Variants in MKLN1 observed in about 807,000 individuals in gnomAD.
MKLN1 encodes the protein muskelin.
In MKLN1, 18 loss-of-function variants were observed where a neutral mutation model predicts 99.0. The observed-to-expected ratio is 0.18, with a 90% confidence interval of 0.13 to 0.27. MKLN1 has a LOEUF of 0.27. Ranked by LOEUF, MKLN1 falls within the 10% of genes least tolerant of loss-of-function variation. The pLI is 1.00. For synonymous variants in MKLN1, 288 were observed against 293.2 expected, an observed-to-expected ratio of 0.98 and a Z score of 0.18; for missense variants, 621 against 875.9, an observed-to-expected ratio of 0.71 and a Z score of 3.67.
intron 3 of MKLN1, among the ~76,000 whole-genome samples, chr7:131,317,492 T>C (rs1022990930): frequency 6.6e-6 from 1 of 152,118 alleles, no homozygotes; most frequent in Admixed American, 6.5e-5. Context: ...TACCAGCCAC[T>C]GCAAAAACAT....
intron 8 of MKLN1, among the ~76,000 whole-genome samples, chr7:131,420,706 A>T (rs1490857534): frequency 6.6e-6 from 1 of 152,174 alleles, no homozygotes; most frequent in South Asian, 2.1e-4. Flanking sequence ...AGTTGTTCAC[A>T]CAAGTATTGT....
Position 131,473,994 on chromosome 7 carries a change from C to CA in MKLN1, c.2031+3056dup, listed in dbSNP as rs1446565050. ...TAAAACTCCGTCTCTACTAAAAATACAAAAAATTGGCCGGGCATGGTGGGA... is the reference window on the plus strand; with the variant it reads ...TAAAACTCCGTCTCTACTAAAAATACAAAAAAATTGGCCGGGCATGGTGGGA... On this transcript the variant is annotated intron_variant, in intron 16 of 17. Transcript: ENST00000352689. Among the ~76,000 whole-genome samples the CA allele has an allele frequency of 2.6e-5, 4 of 152,084 alleles. No homozygotes were observed. In the South Asian group the frequency reaches 8.3e-4, roughly 32 times the overall value.
At chr7:131,384,045 G>C (rs1205856401) in intron 2 of MKLN1, among the ~76,000 whole-genome samples, 1 of 152,156 alleles carries the variant, frequency 6.6e-6, no homozygotes. Context: ...CAAACTGCAT[G>C]ATCTGGTGAC....
chr7:131,449,318 G>A (rs1796109638), intron 12 of MKLN1, among the ~76,000 whole-genome samples: 1 of 152,200 alleles, frequency 6.6e-6, no homozygotes, highest in Non-Finnish European at 1.5e-5. Flanking sequence ...AGTATTTAGT[G>A]CCTTGTTACA....
intron 3 of MKLN1, among the ~76,000 whole-genome samples, chr7:131,238,340 G>A (rs138306450): frequency 6.6e-6 from 1 of 152,254 alleles, no homozygotes; most frequent in African/African-American, 2.4e-5. Flanking sequence ...TTAATTCTTT[G>A]CCTCAGGAGG....
At chr7:131,208,722 C>T (rs1796855425) in intron 3 of MKLN1, among the ~76,000 whole-genome samples, 1 of 152,160 alleles carries the variant, frequency 6.6e-6, no homozygotes, top group Non-Finnish European at 1.5e-5. Flanking sequence ...TGAGGAGAAC[C>T]TGCCATGTGC....
At chr7:131,303,119 T>G (rs1798399674) in intron 3 of MKLN1, among the ~76,000 whole-genome samples, 1 of 152,196 alleles carries the variant, frequency 6.6e-6, no homozygotes, top group Non-Finnish European at 1.5e-5. Flanking sequence ...TAAGCACTTA[T>G]AAAGAGGAAT....
chr7:131,140,547 C>T (rs938096881), intron 1 of MKLN1, among the ~76,000 whole-genome samples: 11 of 152,102 alleles, frequency 7.2e-5, no homozygotes, highest in Admixed American at 3.3e-4. Context: ...AGCAACACCT[C>T]CTCTTCTCAC....
intron 17 of MKLN1, among the ~76,000 whole-genome samples, chr7:131,482,521 A>G (rs1238180183): frequency 1.3e-5 from 2 of 152,198 alleles, no homozygotes; most frequent in Non-Finnish European, 2.9e-5. Flanking sequence ...TGTGTATGCT[A>G]GGAAAAAAAT....
At chr7:131,273,321 T>A (rs142940732) in intron 3 of MKLN1, among the ~76,000 whole-genome samples, 2 of 143,172 alleles carry the variant, frequency 1.4e-5, no homozygotes, top group Non-Finnish European at 3.0e-5. Flanking sequence ...TAATTCCTCA[T>A]CTGGCTTGAG....
At chr7:131,369,055 A>G (rs1800267412) in intron 1 of MKLN1, among the ~76,000 whole-genome samples, 1 of 152,082 alleles carries the variant, frequency 6.6e-6, no homozygotes, top group Non-Finnish European at 1.5e-5. Flanking sequence ...TTAAAATAAG[A>G]ATAGAATCAT....
At chr7:131,213,751 G>C (rs1563254463) in intron 3 of MKLN1, among the ~76,000 whole-genome samples, 1 of 152,094 alleles carries the variant, frequency 6.6e-6, no homozygotes, top group Non-Finnish European at 1.5e-5. Context: ...CTAATTTTTG[G>C]CATTTTCAGA....
At chr7:131,343,044 G>A (rs984101693) in intron 1 of MKLN1, among the ~76,000 whole-genome samples, 3 of 152,218 alleles carry the variant, frequency 2.0e-5, no homozygotes, top group African/African-American at 7.2e-5. Flanking sequence ...AGTGACAAAA[G>A]CAGTAAATGC....
chr7:131,161,695 G>A (rs1796050981), intron 2 of MKLN1, among the ~76,000 whole-genome samples: 1 of 151,998 alleles, frequency 6.6e-6, no homozygotes. Flanking sequence ...GGGACTACAG[G>A]CGCCCGCCAC....
chr7:131,387,498 T>C (rs921549269), intron 3 of MKLN1, among the ~76,000 whole-genome samples: 2 of 152,184 alleles, frequency 1.3e-5, no homozygotes, highest in African/African-American at 4.8e-5. Flanking sequence ...CAAACTTTTT[T>C]GTTTCATCCT....
intron 3 of MKLN1, among the ~76,000 whole-genome samples, chr7:131,319,574 G>A (rs1798734077): frequency 6.6e-6 from 1 of 152,154 alleles, no homozygotes; most frequent in South Asian, 2.1e-4. Context: ...ATTCAACATA[G>A]TATTGGAAGT....
At position 131,464,327 on chromosome 7, in the gene MKLN1, G is replaced by C. The variant is rs776055493; in HGVS notation, c.1707G>C (p.Lys569Asn). The change falls in exon 14 of 18, where the codon AAG (lysine) becomes AAC (asparagine). Residue 569 changes from lysine (K) to asparagine (N), a missense_variant. Transcript: ENST00000352689. ...SCVYKNDQAAKDNPTKSLQEE... is the reference protein window; with the variant it reads ...SCVYKNDQAANDNPTKSLQEE... ...TCTATAAGAATGATCAAGCTGCAAA[G>C]GATAATCCAACTAAAAGTCTTCAGG... The C allele has an allele frequency of 1.2e-6, 2 of 1,613,296 alleles. No individual in the cohort carries two copies. Among genetic ancestry groups the C allele is most frequent in the South Asian group, 1.1e-5 (1 of 91,026 alleles).
At chr7:131,328,053 G>A (rs1051622474) in intron 1 of MKLN1, 56 bp downstream of exon 1, 23 of 1,577,754 alleles carry the variant, frequency 1.5e-5, no homozygotes, top group Non-Finnish European at 1.9e-5. Context: ...AGCACGGTTG[G>A]GCCAGGGGTG....
At chr7:131,390,946 A>G (rs1157804094) in intron 4 of MKLN1, among the ~76,000 whole-genome samples, 1 of 151,984 alleles carries the variant, frequency 6.6e-6, no homozygotes, top group African/African-American at 2.4e-5. Context: ...TTATTAGCCC[A>G]TTTTCTATTT....
Sources: gnomAD v4.1 joint callset for allele counts (sites outside exome capture counted in the v4.1 genomes callset) on GRCh38, gnomAD v4.1.1 for gene constraint, MANE v1.5 for transcripts, NCBI Gene and HGNC (gene_info 2026-07-23, HGNC 2026-07-21) for gene names.